Variants in ADD3 observed in about 807,000 individuals in gnomAD.
ADD3 encodes adducin 3, also known as gamma-adducin.
ADD3 carries 25 observed loss-of-function variants against 80.2 expected under a neutral mutation model. The observed-to-expected ratio is 0.31, with a 90% CI of 0.23 to 0.44. ADD3 has a LOEUF of 0.44. ADD3 is among the 20% of genes least tolerant of loss of function. The probability of loss-of-function intolerance (pLI) is 1.00; values close to 1 mark genes in which losing one functional copy is unlikely to be tolerated. For synonymous variants in ADD3, 284 were observed against 289.6 expected, an observed-to-expected ratio of 0.98 and a Z score of 0.20; for missense variants, 829 against 847.5, an observed-to-expected ratio of 0.98 and a Z score of 0.27.
At chr10:110,028,601 TTGAC>T (rs1854596416) in intron 1 of ADD3, among the ~76,000 whole-genome samples, 1 of 151,998 alleles carries the variant, frequency 6.6e-6, no homozygotes, top group Non-Finnish European at 1.5e-5. Flanking sequence ...ATTTACAAAA[TTGAC>T]TGGGACTTAG....
chr10:110,017,653 A>G (rs1301368254), intron 1 of ADD3, among the ~76,000 whole-genome samples: 12 of 152,162 alleles, frequency 7.9e-5, no homozygotes, highest in Non-Finnish European at 1.3e-4. Context: ...TCAATATGGC[A>G]ATAATCATGT....
chr10:110,127,493 T>TGA, intron 12 of ADD3, among the ~76,000 whole-genome samples: 1 of 152,330 alleles, frequency 6.6e-6, no homozygotes, highest in Admixed American at 6.5e-5. Flanking sequence ...GGCGTGCACC[T>TGA]GTAGTCCCAG....
At chr10:110,123,980 G>A in intron 9 of ADD3, 37 bp from the exon 10 acceptor site, 1 of 1,601,250 alleles carries the variant, frequency 6.2e-7, no homozygotes, top group Non-Finnish European at 8.5e-7. Flanking sequence ...TATTGATACA[G>A]GTTTGATGCT....
At chr10:110,066,043 A>C (rs1843911479) in intron 1 of ADD3, among the ~76,000 whole-genome samples, 1 of 151,846 alleles carries the variant, frequency 6.6e-6, no homozygotes, top group South Asian at 2.1e-4. Context: ...TTTATCTTTA[A>C]GGGTTTTGAA....
intron 1 of ADD3, among the ~76,000 whole-genome samples, chr10:110,090,909 C>A (rs1847420138): frequency 1.3e-5 from 2 of 152,064 alleles, no homozygotes. Flanking sequence ...TTTTACTAAA[C>A]AACTATAGAT....
intron 1 of ADD3, among the ~76,000 whole-genome samples, chr10:110,055,155 A>C (rs1260113102): frequency 3.3e-5 from 5 of 152,218 alleles, no homozygotes; most frequent in Non-Finnish European, 7.3e-5. Context: ...ATCAGACAAG[A>C]AACAGGAATA....
intron 11 of ADD3, 98 bp downstream of exon 11, chr10:110,126,043 G>A (rs1467907221): frequency 1.6e-6 from 2 of 1,217,242 alleles, no homozygotes; most frequent in Non-Finnish European, 2.3e-6. Flanking sequence ...TTAGAAGTTT[G>A]AATACAGAAG....
At chr10:110,116,505 C>T in intron 4 of ADD3, 95 bp downstream of exon 4, 1 of 1,292,872 alleles carries the variant, frequency 7.7e-7, no homozygotes, top group East Asian at 2.3e-5. Flanking sequence ...AGTTTTCAGA[C>T]TTATTCTCTA....
At chr10:110,124,697 A>G (rs1472361668) in intron 10 of ADD3, among the ~76,000 whole-genome samples, 2 of 152,200 alleles carry the variant, frequency 1.3e-5, no homozygotes, top group East Asian at 3.8e-4. Context: ...ATTGTACCAA[A>G]GCTGCATGAA....
chr10:110,028,312 G>A (rs1037163904), intron 1 of ADD3, among the ~76,000 whole-genome samples: 13 of 152,176 alleles, frequency 8.5e-5, no homozygotes, highest in African/African-American at 2.7e-4. Context: ...GGTGGCTCAC[G>A]CCTGTAATCC....
At chr10:110,025,898 A>G (rs1195340938) in intron 1 of ADD3, among the ~76,000 whole-genome samples, 3 of 152,070 alleles carry the variant, frequency 2.0e-5, no homozygotes, top group South Asian at 2.1e-4. Context: ...TCTTTTCAAG[A>G]TATCTGTTTT....
rs563794027 is a variant in ADD3, at chr10:110,108,397, C to T, written c.196-4380C>T. Among the ~76,000 whole-genome samples the T allele has an allele frequency of 1.0e-3, 154 of 152,238 alleles. 1 individual carries two copies. Among genetic ancestry groups the T allele is most frequent in the African/African-American group, 3.6e-3 (150 of 41,564 alleles). The stretch of plus-strand genomic sequence containing the variant: ...TAAAATTAGGAAAAGAACTTGTGCT[C>T]AGTTGAGGGTTCCATATTTGAATCT... On this transcript the variant is annotated intron_variant, in intron 2 of 14. Coordinates refer to ENST00000356080, the MANE Select transcript of ADD3 (RefSeq NM_016824.5).
intron 1 of ADD3, among the ~76,000 whole-genome samples, chr10:110,038,069 C>CAAAAAA (rs754609555): frequency 1.4e-4 from 6 of 43,854 alleles, no homozygotes; most frequent in East Asian, 7.6e-4. Flanking sequence ...AACTCCGTCT[C>CAAAAAA]AAAAAAAAAA....
At chr10:110,107,608 T>G (rs1451208010) in intron 2 of ADD3, among the ~76,000 whole-genome samples, 1 of 152,122 alleles carries the variant, frequency 6.6e-6, no homozygotes, top group African/African-American at 2.4e-5. Context: ...TATAAAAGTG[T>G]TTGTTTTGGA....
chr10:110,036,219 C>T (rs1855625361), intron 1 of ADD3, among the ~76,000 whole-genome samples: 1 of 151,918 alleles, frequency 6.6e-6, no homozygotes, highest in Non-Finnish European at 1.5e-5. Flanking sequence ...ATTAGCTTTT[C>T]CTATATTGGT....
intron 1 of ADD3, among the ~76,000 whole-genome samples, chr10:110,016,244 C>G (rs1055700870): frequency 1.3e-5 from 2 of 152,200 alleles, no homozygotes; most frequent in African/African-American, 4.8e-5. Context: ...GTTTTCCTTA[C>G]AGAACTCAGC....
intron 1 of ADD3, among the ~76,000 whole-genome samples, chr10:110,062,415 A>C (rs1273236269): frequency 9.9e-6 from 1 of 101,342 alleles, no homozygotes; most frequent in South Asian, 2.5e-4. Flanking sequence ...ACTCCATCTC[A>C]AAAAAAAAAA....
At chr10:110,032,915 T>A (rs185777108) in intron 1 of ADD3, among the ~76,000 whole-genome samples, 1 of 152,324 alleles carries the variant, frequency 6.6e-6, no homozygotes, top group South Asian at 2.1e-4. Context: ...CACATTATGA[T>A]TAAGAGAAGT....
intron 1 of ADD3, among the ~76,000 whole-genome samples, chr10:110,099,366 T>C (rs565017185): frequency 6.6e-6 from 1 of 152,294 alleles, no homozygotes; most frequent in African/African-American, 2.4e-5. Flanking sequence ...CTCTCTAGCA[T>C]ATATTCATTC....
Sources: allele counts gnomAD v4.1 joint callset (sites outside exome capture counted in the v4.1 genomes callset), GRCh38; gene constraint gnomAD v4.1.1; transcripts MANE v1.5; gene names NCBI Gene and HGNC (gene_info 2026-07-23, HGNC 2026-07-21).